The following ARFGAP2 variants were observed in gnomAD, a reference collection of about 807,000 sequenced individuals.
The protein encoded by ARFGAP2 is ADP-ribosylation factor GTPase-activating protein 2.
In ARFGAP2, 45 loss-of-function variants were observed where a neutral mutation model predicts 71.9. That is an observed-to-expected ratio of 0.63 (90% CI 0.49 to 0.80). ARFGAP2 has a LOEUF of 0.80. Ranked by LOEUF, ARFGAP2 falls within the 30% of genes least tolerant of loss-of-function variation. The pLI is 0.00. For missense variants in ARFGAP2, 633 were observed against 673.9 expected, an observed-to-expected ratio of 0.94 and a Z score of 0.67; for synonymous variants, 248 against 249.2, an observed-to-expected ratio of 1.00 and a Z score of 0.05.
chr11:47,168,375 C>T (rs1952472593), intron 10 of ARFGAP2, 124 bp from the exon 11 acceptor site: 1 of 1,359,478 alleles, frequency 7.4e-7, no homozygotes, highest in Admixed American at 2.1e-5. Flanking sequence ...TCTGTCCTTA[C>T]CCAAGCACAG....
chr11:47,168,419 G>GT, intron 10 of ARFGAP2, 168 bp from the exon 11 acceptor site: 1 of 826,808 alleles, frequency 1.2e-6, no homozygotes, highest in Non-Finnish European at 1.8e-6. Flanking sequence ...GGCTAGCTGT[G>GT]TGTGGTGACC....
chr11:47,170,323 C>CAAAAAAAAAA (rs34843394), intron 10 of ARFGAP2, among the ~76,000 whole-genome samples: 14 of 73,872 alleles, frequency 1.9e-4, no homozygotes, highest in Admixed American at 4.7e-4. Flanking sequence ...GACTCCATCT[C>CAAAAAAAAAA]AAAAAAAAAA....
Position 47,168,109 on chromosome 11 carries a change from GA to G in ARFGAP2, c.1070+13del. On this transcript the variant is annotated intron_variant, in intron 11 of 15. Coordinates refer to ENST00000524782, the MANE Select transcript of ARFGAP2 (RefSeq NM_032389.6). ...AACACAGCAGCCAAGTTTACAGCTA[GA>G]AAACAGCCTTACTTTGGGGGTCCAG... 6.2e-7 allele frequency: 1 copy of G among 1,614,218 alleles called. No individual in the cohort carries two copies. Among genetic ancestry groups the G allele is most frequent in the Non-Finnish European group, 8.5e-7 (1 of 1,180,040 alleles).
rs371346356 is a variant in ARFGAP2 at position 47,176,507 on chromosome 11, A to G, written c.191+9T>C. ...GGGTGGAAACACGGCAACCGCGCGG[A>G]GAGCCTACCTGATGAAGCTCAGATG... On this transcript the variant is annotated intron_variant, in intron 2 of 15. Coordinates refer to ENST00000524782, the MANE Select transcript of ARFGAP2 (RefSeq NM_032389.6). The G allele has an allele frequency of 5.0e-6, 8 of 1,612,190 alleles. No individual in the cohort carries two copies. In the African/African-American group the frequency reaches 1.1e-4, roughly 22 times the overall value.
chr11:47,175,744 A>G (rs1349068228), intron 3 of ARFGAP2, 107 bp downstream of exon 3: 9 of 1,304,382 alleles, frequency 6.9e-6, no homozygotes, highest in South Asian at 1.2e-5. Flanking sequence ...GTGTTATAGA[A>G]CAGAGAACCC....
At chr11:47,174,691 G>A (rs374581375) in intron 5 of ARFGAP2, 17 of 283,704 alleles carry the variant, frequency 6.0e-5, no homozygotes, top group South Asian at 2.3e-4. Context: ...CACTGCGCCC[G>A]GCCCACAGTG....
chr11:47,172,632 T>C, intron 7 of ARFGAP2: 1 of 1,324,566 alleles, frequency 7.5e-7, no homozygotes, highest in Non-Finnish European at 1.0e-6. Flanking sequence ...GCAGGGAGCA[T>C]ATGGTGAGCA....
At position 47,175,271 on chromosome 11, in the gene ARFGAP2, T is replaced by C; in HGVS notation, c.307A>G (p.Asn103Asp). ...RQHGCTANDANTKYNSRAAQM... is the reference protein window; with the variant it reads ...RQHGCTANDADTKYNSRAAQM... ...GCAGCTCGGCTATTATATTTGGTGT[T>C]GGCATCATTGGCTGTGCATCCATGT... The change falls in exon 4 of 16, where the codon AAC (asparagine) becomes GAC (aspartate). Residue 103 changes from asparagine (N) to aspartate (D), a missense_variant. Asn to Asp is a conservative substitution (Grantham distance 23). Coordinates refer to ENST00000524782, the MANE Select transcript of ARFGAP2 (RefSeq NM_032389.6). 1 of 1,614,146 alleles carries C rather than the reference T, an allele frequency of 6.2e-7. No homozygotes were observed. The highest frequency in any genetic ancestry group is 8.5e-7 in the Non-Finnish European group (1 of 1,180,022).
intron 8 of ARFGAP2, 163 bp downstream of exon 8, chr11:47,172,118 T>C: frequency 1.2e-6 from 1 of 816,688 alleles, no homozygotes; most frequent in Non-Finnish European, 2.0e-6. Context: ...AGACAGGCTT[T>C]AAATCCCTTT....
chr11:47,167,983 A>G lies in ARFGAP2; in HGVS notation c.1131T>C (p.Ala377=). The G allele has an allele frequency of 1.9e-6, 3 of 1,614,182 alleles. No homozygotes were observed. Among genetic ancestry groups the G allele is most frequent in the Non-Finnish European group, 2.5e-6 (3 of 1,180,014 alleles). The change falls in exon 12 of 16, where the codon GCT becomes GCC. Residue 377 remains alanine, a synonymous_variant. Transcript: ENST00000524782. ...ESFGSRWDTD[A]AWGMDRVEEK... Reference sequence around the variant, plus strand: ...CCTCTACCCTGTCCATACCCCAGGCAGCATCTGTATCCCAGCGGGAGCCAA... The same window carrying G: ...CCTCTACCCTGTCCATACCCCAGGCGGCATCTGTATCCCAGCGGGAGCCAA...
chr11:47,166,376 A>C lies in ARFGAP2; in HGVS notation c.1437T>G (p.Ser479=), dbSNP rs1412626989. 1.9e-6 allele frequency: 3 copies of C among 1,613,998 alleles called. No homozygotes were observed. The highest frequency in any genetic ancestry group is 2.5e-6 in the Non-Finnish European group (3 of 1,179,980). Residue 479 remains serine, a synonymous_variant, in exon 15 of 16, where the codon TCT becomes TCG. Coordinates refer to ENST00000524782, the MANE Select transcript of ARFGAP2 (RefSeq NM_032389.6). The part of the protein sequence containing the change: ...MDGAHGAGSV[S]LGNVLPTADI... The stretch of plus-strand genomic sequence containing the variant: ...CCGCTGTAGGCAGCACGTTCCCCAG[A>C]GATACACTTCCTGTAAAACAAGAGC...
In ARFGAP2 at chr11:47,165,426, G is replaced by C. The variant is rs761040578; in HGVS notation, c.*56C>G. On this transcript the variant is annotated 3_prime_UTR_variant, in exon 16 of 16. Coordinates refer to ENST00000524782, the MANE Select transcript of ARFGAP2 (RefSeq NM_032389.6). ...ACAAGGCAAAGCATCCCCAGCCTGG[G>C]AACTGTGGAGTTCTTGTTGCCGTCA... 60 of 1,552,392 alleles carry C rather than the reference G, an allele frequency of 3.9e-5. No homozygotes were observed. The highest frequency in any genetic ancestry group is 5.1e-5 in the Non-Finnish European group (59 of 1,148,678).
chr11:47,167,684 T>C (rs551473573), intron 12 of ARFGAP2, among the ~76,000 whole-genome samples: 1 of 152,256 alleles, frequency 6.6e-6, no homozygotes, highest in African/African-American at 2.4e-5. Context: ...CTGGTGGCTA[T>C]TTACGTTTAT....
intron 8 of ARFGAP2, 136 bp from the exon 9 acceptor site, chr11:47,171,936 C>A: frequency 7.7e-7 from 1 of 1,294,924 alleles, no homozygotes; most frequent in Middle Eastern, 2.8e-4. Context: ...GCCCAACCAG[C>A]ATGGCCAAGA....
chr11:47,166,468 G>C, intron 14 of ARFGAP2, 38 bp downstream of exon 14: 1 of 1,612,358 alleles, frequency 6.2e-7, no homozygotes, highest in Non-Finnish European at 8.5e-7. Flanking sequence ...CCTGCTCCCA[G>C]GCCTCACTTG....
intron 2 of ARFGAP2, chr11:47,176,250 C>CTAACG: frequency 1.7e-6 from 1 of 588,682 alleles, no homozygotes; most frequent in South Asian, 2.1e-5. Flanking sequence ...AAGGTCAATG[C>CTAACG]CTCCCTTTCC....
At chr11:47,170,339 A>AAAAG (rs1479164176) in intron 10 of ARFGAP2, among the ~76,000 whole-genome samples, 31 of 150,726 alleles carry the variant, frequency 2.1e-4, no homozygotes, top group African/African-American at 7.6e-4. Context: ...AAAAAAAAAA[A>AAAAG]AAAAGAAAAG....
rs769588899 is a variant in ARFGAP2 at position 47,175,197 on chromosome 11, A to C, written c.381T>G (p.Ala127=). The change falls in exon 4 of 16, where the codon GCT becomes GCG. Residue 127 remains alanine (A), a synonymous_variant. Transcript: ENST00000524782. ...KIRQLGSAAL[A]RHGTDLWIDN... ...AGGCACTTACATCAGTGCCATGCCT[A>C]GCCAGGGCCGCACTCCCCAGCTGCC... 3.7e-6 allele frequency: 6 copies of C among 1,614,172 alleles called. No individual in the cohort carries two copies. The highest frequency in any genetic ancestry group is 4.2e-6 in the Non-Finnish European group (5 of 1,180,022).
Position 47,171,567 on chromosome 11 carries a change from A to G in ARFGAP2, c.810-10T>C, listed in dbSNP as rs767837393. The G allele has an allele frequency of 2.5e-6, 4 of 1,613,936 alleles. No individual in the cohort carries two copies. In the African/African-American group the frequency reaches 5.3e-5, roughly 22 times the overall value. On this transcript the variant is annotated splice_polypyrimidine_tract_variant and intron_variant, in intron 9 of 15. Coordinates refer to ENST00000524782, the MANE Select transcript of ARFGAP2 (RefSeq NM_032389.6). ...ACGCATGGAGGCGACCCTTAGGGGGAACAAAGGTGTCAGTGGCCACCACCC... is the reference window on the plus strand; with the variant it reads ...ACGCATGGAGGCGACCCTTAGGGGGGACAAAGGTGTCAGTGGCCACCACCC...
Sources: gnomAD v4.1 joint callset for allele counts (sites outside exome capture counted in the v4.1 genomes callset) on GRCh38, gnomAD v4.1.1 for gene constraint, MANE v1.5 for transcripts, NCBI Gene and HGNC (gene_info 2026-07-23, HGNC 2026-07-21) for gene names.